The following CYRIB variants were observed in gnomAD, a reference collection of about 807,000 sequenced individuals.
CYRIB encodes CYFIP-related Rac1 interactor B.
In CYRIB, 8 loss-of-function variants were observed where a neutral mutation model predicts 44.2. The ratio of observed to expected loss-of-function variants is 0.18; its 90% confidence interval spans 0.11 to 0.33. The LOEUF is 0.33. Among genes scored for constraint, CYRIB ranks in the 10% least tolerant of loss-of-function variants. The pLI is 1.00. For synonymous variants in CYRIB, 131 were observed against 127.2 expected (o/e 1.03, Z -0.20); for missense variants, 185 against 382.8 (o/e 0.48, Z 4.31).
intron 1 of CYRIB, among the ~76,000 whole-genome samples, chr8:129,936,824 G>C (rs569351608): frequency 2.0e-5 from 3 of 150,206 alleles, no homozygotes; most frequent in Non-Finnish European, 4.4e-5. Context: ...CTCCTGCCTC[G>C]GCCTCCTGAG....
intron 1 of CYRIB, among the ~76,000 whole-genome samples, chr8:129,975,024 G>A (rs1338495670): frequency 2.0e-5 from 3 of 151,964 alleles, no homozygotes; most frequent in African/African-American, 7.2e-5. Context: ...GGGACTACAG[G>A]CACCTGCCAG....
intron 4 of CYRIB, among the ~76,000 whole-genome samples, chr8:129,863,697 T>C (rs2051413001): frequency 6.6e-6 from 1 of 151,990 alleles, no homozygotes. Flanking sequence ...ATCCTTAATA[T>C]AAATGACTTC....
intron 2 of CYRIB, among the ~76,000 whole-genome samples, chr8:129,967,465 C>T (rs2095528073): frequency 6.6e-6 from 1 of 151,756 alleles, no homozygotes; most frequent in South Asian, 2.1e-4. Context: ...CTGCAAACTC[C>T]ACCTCCCAGG....
chr8:129,937,952 C>G (rs983508574), intron 1 of CYRIB, among the ~76,000 whole-genome samples: 1 of 151,880 alleles, frequency 6.6e-6, no homozygotes, highest in Non-Finnish European at 1.5e-5. Flanking sequence ...AAAACCTAAG[C>G]GGGGACAAAC....
At chr8:129,842,377 C>A (rs1003682328) in intron 11 of CYRIB, among the ~76,000 whole-genome samples, 172 bp from the exon 14 acceptor site, 1 of 152,156 alleles carries the variant, frequency 6.6e-6, no homozygotes, top group African/African-American at 2.4e-5. Context: ...ATCCTCACCC[C>A]CTTTCTAACT....
At chr8:129,893,357 G>A (rs529879101) in intron 2 of CYRIB, among the ~76,000 whole-genome samples, 2 of 152,244 alleles carry the variant, frequency 1.3e-5, no homozygotes, top group East Asian at 1.9e-4. Flanking sequence ...GAAGAGACCA[G>A]ACAAGCAAGT....
intron 3 of CYRIB, among the ~76,000 whole-genome samples, chr8:129,877,415 A>C (rs2059439522): frequency 6.6e-6 from 1 of 152,190 alleles, no homozygotes; most frequent in South Asian, 2.1e-4. Flanking sequence ...TGGAAGGCCA[A>C]GGTGGGTGGA....
At position 129,850,593 on chromosome 8, in the gene CYRIB, A is replaced by T. The variant is rs558632728; in HGVS notation, c.713+242T>A. On this transcript the variant is annotated intron_variant, in intron 9 of 11. Transcript: ENST00000519824. ...TTCTGAGAAGAGAACTAAGAGTCTG[A>T]GTCAGTCTGAGTGGTCTGAGGTACC... 1.6e-3 allele frequency: 787 copies of T among 498,752 alleles called. 13 individuals are homozygous for T. The highest frequency in any genetic ancestry group is 0.014 in the South Asian group (600 of 42,202). The allele number at this position is 498,752 out of a possible 1,614,324, so 30.9% of individuals were successfully genotyped here. A position where few individuals can be genotyped will look rare whatever the true frequency, so the allele number is the denominator to read the frequency against.
intron 7 of CYRIB, 144 bp from the exon 10 acceptor site, chr8:129,852,422 A>T: frequency 2.4e-6 from 1 of 413,770 alleles, no homozygotes; most frequent in Non-Finnish European, 4.2e-6. Context: ...CTTTTTAAAA[A>T]AAAGTTATTT....
At chr8:130,004,588 G>A (rs2096990439) in intron 1 of CYRIB, 1 of 152,068 alleles carries the variant, frequency 6.6e-6, no homozygotes, top group South Asian at 2.1e-4. Context: ...AATTCTAAAA[G>A]AGCTATAGTA....
At chr8:129,949,498 C>T (rs1021440857) in intron 2 of CYRIB, 6 of 152,210 alleles carry the variant, frequency 3.9e-5, no homozygotes, top group Admixed American at 2.0e-4. Flanking sequence ...AATCATTCCA[C>T]CTGCCTTGCT....
At chr8:129,877,663 G>GTGTGTGTGTGTGTGTGTGT (rs3222125) in intron 3 of CYRIB, among the ~76,000 whole-genome samples, 11 of 130,682 alleles carry the variant, frequency 8.4e-5, no homozygotes, top group African/African-American at 3.3e-4. Context: ...AAAAAAAAAA[G>GTGTGTGTGTGTGTGTGTGT]GTGTGTGTGT....
At chr8:129,947,634 T>G (rs1469179170) in intron 2 of CYRIB, among the ~76,000 whole-genome samples, 2 of 152,154 alleles carry the variant, frequency 1.3e-5, no homozygotes, top group African/African-American at 4.8e-5. Context: ...ACATATTGAT[T>G]GCAGCAAAAA....
At chr8:129,935,374 T>G (rs528507681) in intron 1 of CYRIB, among the ~76,000 whole-genome samples, 74 of 152,188 alleles carry the variant, frequency 4.9e-4, no homozygotes, top group Admixed American at 1.0e-3. Context: ...GGGAATGGTT[T>G]CAGGATGAAA....
chr8:129,854,226 G>A, intron 7 of CYRIB, 40 bp downstream of exon 9: 3 of 1,415,096 alleles, frequency 2.1e-6, no homozygotes, highest in Non-Finnish European at 3.0e-6. Context: ...TGAGCACTAA[G>A]TTACTCTTAC....
intron 11 of CYRIB, among the ~76,000 whole-genome samples, chr8:129,843,216 A>G (rs1177451775): frequency 3.9e-5 from 6 of 152,210 alleles, no homozygotes; most frequent in African/African-American, 1.4e-4. Flanking sequence ...AGACAGGGAA[A>G]CACCATCTCC....
intron 8 of CYRIB, chr8:129,851,500 G>A (rs768853213): frequency 3.3e-5 from 5 of 152,614 alleles, no homozygotes; most frequent in African/African-American, 7.2e-5. Context: ...TGTAGGGAGT[G>A]AGGTATAGAA....
At chr8:129,987,568 C>CTTTTTTTTTTTTTTTTTTTTTTTTT in intron 1 of CYRIB, among the ~76,000 whole-genome samples, 1 of 127,024 alleles carries the variant, frequency 7.9e-6, no homozygotes, top group Non-Finnish European at 1.6e-5. Flanking sequence ...TTTTTTTTTT[C>CTTTTTTTTTTTTTTTTTTTTTTTTT]TTTTTTTTTT....
chr8:129,999,781 C>T (rs2096865994), intron 1 of CYRIB, among the ~76,000 whole-genome samples: 1 of 152,166 alleles, frequency 6.6e-6, no homozygotes, highest in South Asian at 2.1e-4. Flanking sequence ...TGAGTGCTAC[C>T]ACGCCCAGAT....
Sources: gnomAD v4.1 joint callset for allele counts (sites outside exome capture counted in the v4.1 genomes callset) on GRCh38, gnomAD v4.1.1 for gene constraint, MANE v1.5 for transcripts, NCBI Gene and HGNC (gene_info 2026-07-23, HGNC 2026-07-21) for gene names.